ZNF274: variants seen among roughly 807,000 people sequenced by gnomAD.
The protein encoded by ZNF274 is zinc finger protein 274.
Under a neutral mutation model 42.5 loss-of-function variants are expected in ZNF274, and 23 were observed. The ratio of observed to expected loss-of-function variants is 0.54; its 90% CI spans 0.39 to 0.77. The LOEUF (loss-of-function observed/expected upper bound fraction) is 0.77. ZNF274 is among the 30% of genes least tolerant of loss of function. The pLI is 0.00. For missense variants in ZNF274, 679 were observed against 806.5 expected (o/e 0.84, Z 1.91); for synonymous variants, 292 against 305.4 (o/e 0.96, Z 0.46).
chr19:58,202,676 TG>T (rs2075927196), intron 4 of ZNF274, among the ~76,000 whole-genome samples: 1 of 152,228 alleles, frequency 6.6e-6, no homozygotes, highest in Non-Finnish European at 1.5e-5. Flanking sequence ...CTCTGCCTGG[TG>T]GTGAACTTAA....
In ZNF274 at chr19:58,207,940, A is replaced by C. The variant is rs1319841233; in HGVS notation, c.739+738A>C. Among the ~76,000 whole-genome samples the C allele has an allele frequency of 6.6e-6, 1 of 152,186 alleles. No homozygotes were observed. Among genetic ancestry groups the C allele is most frequent in the Non-Finnish European group, 1.5e-5 (1 of 68,026 alleles). Reference sequence around the variant, plus strand: ...AGGCTGCATGTGTGGTGGATGGTGGACAGAGGATGGGGGCGAGGCTGGACA... The same window carrying C: ...AGGCTGCATGTGTGGTGGATGGTGGCCAGAGGATGGGGGCGAGGCTGGACA... On this transcript the variant is annotated intron_variant, in intron 5 of 7. Transcript: ENST00000617501. This position sits in a 1 kb window ranked among gnomAD's most constrained non-coding sequence, Gnocchi z 5.6.
At position 58,211,753 on chromosome 19, in the gene ZNF274, G is replaced by A; in HGVS notation, c.979+67G>A. 6.4e-7 allele frequency: 1 copy of A among 1,552,640 alleles called. No homozygotes were observed. The highest frequency in any genetic ancestry group is 8.7e-7 in the Non-Finnish European group (1 of 1,147,514). On this transcript the variant is annotated intron_variant, in intron 7 of 7. Transcript: ENST00000617501. This position sits in a 1 kb window ranked among gnomAD's most constrained non-coding sequence, Gnocchi z 4.8. ...GCCACAGGAGCCCCAAGTCAGGGGT[G>A]TTCACCTTCTCTAGACTCCACACTG...
intron 6 of ZNF274, 65 bp downstream of exon 6, chr19:58,210,138 G>T: frequency 1.5e-6 from 2 of 1,332,026 alleles, no homozygotes. Context: ...CACCCCTGAG[G>T]CATCCACTCT....
Position 58,213,111 on chromosome 19 carries a change from A to T in ZNF274, c.1930A>T (p.Thr644Ser). ...LIGHQRTHNRTKRKKKQPTS is the reference protein window; with the variant it reads ...LIGHQRTHNRSKRKKKQPTS Reference sequence around the variant, plus strand: ...TGGGCACCAGAGAACCCACAATAGGACAAAGCGAAAGAAGAAACAGCCTAC... The same window carrying T: ...TGGGCACCAGAGAACCCACAATAGGTCAAAGCGAAAGAAGAAACAGCCTAC... The change falls in exon 8 of 8, where the codon ACA becomes TCA. Residue 644 changes from threonine (T) to serine (S), a missense_variant. By Grantham distance (58) the Thr-to-Ser change is moderately conservative. Transcript: ENST00000617501. 6.2e-7 allele frequency: 1 copy of T among 1,611,978 alleles called. No homozygotes were observed. Among genetic ancestry groups the T allele is most frequent in the Admixed American group, 1.7e-5 (1 of 59,694 alleles).
chr19:58,188,694 G>GTATATGTATATGTATATATATATATA (rs1221412961), intron 4 of ZNF274, among the ~76,000 whole-genome samples: 39 of 74,644 alleles, frequency 5.2e-4, no homozygotes, highest in African/African-American at 1.9e-3. Flanking sequence ...ATATGTATAT[G>GTATATGTATATGTATATATATATATA]TATATATATA....
chr19:58,193,179 C>T (rs2075798352), intron 4 of ZNF274, among the ~76,000 whole-genome samples: 1 of 150,986 alleles, frequency 6.6e-6, no homozygotes, highest in South Asian at 2.1e-4. Flanking sequence ...CACAGTCTCG[C>T]TCTGTTGCCC....
chr19:58,205,565 C>T (rs1269520731), intron 4 of ZNF274, among the ~76,000 whole-genome samples: 1 of 152,168 alleles, frequency 6.6e-6, no homozygotes, highest in East Asian at 1.9e-4. Context: ...AAGCTCCTGG[C>T]GTGAAGCGAA....
At position 58,211,826 on chromosome 19, in the gene ZNF274, A is replaced by C; in HGVS notation, c.979+140A>C. 1 of 1,295,788 alleles carries C rather than the reference A, an allele frequency of 7.7e-7. No homozygotes were observed. Among genetic ancestry groups the C allele is most frequent in the East Asian group, 2.5e-5 (1 of 39,462 alleles). The allele number at this position is 1,295,788 out of a possible 1,614,324, so 80.3% of individuals were successfully genotyped here. A position where few individuals can be genotyped will look rare whatever the true frequency, so the allele number is the denominator to read the frequency against. ...GCTGCATCCAGGGCCTGTAAGTGGA[A>C]CTGTAGACCTAGAGGGGTGAGGTCA... On this transcript the variant is annotated intron_variant, in intron 7 of 7. Transcript: ENST00000617501. This position sits in a 1 kb window ranked among gnomAD's most constrained non-coding sequence, Gnocchi z 4.8.
intron 4 of ZNF274, among the ~76,000 whole-genome samples, chr19:58,188,688 GTATATGTATATA>G (rs1157485740): frequency 0.014 from 757 of 52,956 alleles, 12 homozygotes; most frequent in East Asian, 0.066. Context: ...ATATATATAT[GTATATGTATATA>G]TATATATATA....
At chr19:58,189,349 G>T (rs1042058488) in intron 4 of ZNF274, among the ~76,000 whole-genome samples, 1 of 152,132 alleles carries the variant, frequency 6.6e-6, no homozygotes, top group Non-Finnish European at 1.5e-5. Flanking sequence ...ACCTCGAACT[G>T]CTGCGCTCAA....
At position 58,208,432 on chromosome 19, in the gene ZNF274, A is replaced by G. The variant is rs900661022; in HGVS notation, c.739+1230A>G. Reference sequence around the variant, plus strand: ...GGACCCTGTGAATAAGTTGCCTCACATGACAAAGGGGACTTTGCAGAAACA... The same window carrying G: ...GGACCCTGTGAATAAGTTGCCTCACGTGACAAAGGGGACTTTGCAGAAACA... On this transcript the variant is annotated intron_variant, in intron 5 of 7. Transcript: ENST00000617501. This position sits in a 1 kb window ranked among gnomAD's most constrained non-coding sequence, Gnocchi z 4.5. The G allele has an allele frequency of 3.3e-5, 5 of 152,268 alleles. No homozygotes were observed. The highest frequency in any genetic ancestry group is 1.2e-4 in the African/African-American group (5 of 41,458). The allele number at this position is 152,268 out of a possible 1,614,324, so 9.4% of individuals were successfully genotyped here.
At chr19:58,192,338 T>G (rs947429321) in intron 4 of ZNF274, among the ~76,000 whole-genome samples, 1 of 152,210 alleles carries the variant, frequency 6.6e-6, no homozygotes, top group Non-Finnish European at 1.5e-5. Flanking sequence ...TACTTGGTAA[T>G]ACCTGCTAAC....
chr19:58,190,400 G>A (rs969471300), intron 4 of ZNF274, among the ~76,000 whole-genome samples: 4 of 152,234 alleles, frequency 2.6e-5, no homozygotes, highest in Non-Finnish European at 5.9e-5. Flanking sequence ...GAAGCTCAGA[G>A]TTTAAAGAGT....
At position 58,201,171 on chromosome 19, in the gene ZNF274, A is replaced by AT. The variant is rs35433225; in HGVS notation, c.257-5528dup. On this transcript the variant is annotated intron_variant, in intron 4 of 7. Coordinates refer to ENST00000617501, the MANE Select transcript of ZNF274 (RefSeq NM_133502.3). ...AGGCACATGCCGCTACGCCTGGCTA[A>AT]TTTTTTTTTTTTTTTTTTTTTGTGG... 8.2e-3 allele frequency among the ~76,000 whole-genome samples: 921 copies of AT among 112,702 alleles called. 6 individuals are homozygous for AT. Among genetic ancestry groups the AT allele is most frequent in the African/African-American group, 0.015 (440 of 29,900 alleles). 73.9% of individuals were successfully genotyped at this position (112,702 alleles called of 152,430 possible). A position where few individuals can be genotyped will look rare whatever the true frequency, so the allele number is the denominator to read the frequency against.
At chr19:58,193,474 G>GAGTCTCGCTCTGTC (rs2075803165) in intron 4 of ZNF274, among the ~76,000 whole-genome samples, 1 of 107,992 alleles carries the variant, frequency 9.3e-6, no homozygotes, top group Non-Finnish European at 1.8e-5. Flanking sequence ...TTTTTTTGGA[G>GAGTCTCGCTCTGTC]AGTCTCGCTC....
At chr19:58,189,689 G>T (rs769644880) in intron 4 of ZNF274, among the ~76,000 whole-genome samples, 8 of 152,110 alleles carry the variant, frequency 5.3e-5, no homozygotes, top group Non-Finnish European at 1.0e-4. Context: ...CAGCTTGTCA[G>T]TGTTCATTGA....
In ZNF274 at chr19:58,212,427, C is replaced by G. The variant is rs778184804; in HGVS notation, c.1246C>G (p.Gln416Glu). Residue 416 changes from glutamine (Q) to glutamate (E), a missense_variant, in exon 8 of 8, where the codon CAA (glutamine) becomes GAA (glutamate). By Grantham distance (29) the Gln-to-Glu change is conservative. Transcript: ENST00000617501. This position sits in a 1 kb window ranked among gnomAD's most constrained non-coding sequence, Gnocchi z 4.6. ...QANSGALDTN[Q>E]VSLQKIDNPE... ...AAACAGTGGTGCTCTTGACACAAAC[C>G]AAGTTTCGCTCCAGAAAATTGACAA... 6.2e-7 allele frequency: 1 copy of G among 1,612,892 alleles called. No individual in the cohort carries two copies. The highest frequency in any genetic ancestry group is 1.7e-5 in the Admixed American group (1 of 59,976).
chr19:58,205,914 A>G (rs1014217072), intron 4 of ZNF274, among the ~76,000 whole-genome samples: 6 of 152,172 alleles, frequency 3.9e-5, no homozygotes, highest in East Asian at 3.8e-4. Flanking sequence ...TTCTTTCCCT[A>G]TAACAGCTCT....
rs2076058586 is a variant in ZNF274 at position 58,212,806 on chromosome 19, A to G, written c.1625A>G (p.Lys542Arg). 6.2e-7 allele frequency: 1 copy of G among 1,614,016 alleles called. No homozygotes were observed. The highest frequency in any genetic ancestry group is 8.5e-7 in the Non-Finnish European group (1 of 1,179,894). The change falls in exon 8 of 8, where the codon AAA (lysine) becomes AGA (arginine). Residue 542 changes from lysine to arginine, a missense_variant. This residue lies in a region of ZNF274 where 456 missense variants were observed against 590.1 expected (regional missense o/e 0.77). Transcript: ENST00000617501. The surrounding 1 kb of genome is among the most constrained non-coding windows in gnomAD (Gnocchi z 4.6). ...ERPYVCQDCGKGFVQSSSLTQ... is the reference protein window; with the variant it reads ...ERPYVCQDCGRGFVQSSSLTQ... Reference sequence around the variant, plus strand: ...CCCTATGTGTGTCAAGACTGTGGGAAAGGATTTGTTCAGAGCTCTTCCCTC... The same window carrying G: ...CCCTATGTGTGTCAAGACTGTGGGAGAGGATTTGTTCAGAGCTCTTCCCTC...
Sources: allele counts gnomAD v4.1 joint callset (sites outside exome capture counted in the v4.1 genomes callset), GRCh38; gene constraint gnomAD v4.1.1; regional missense constraint gnomAD v4.1.1; non-coding constraint Gnocchi (gnomAD v3.1); transcripts MANE v1.5; gene names NCBI Gene and HGNC (gene_info 2026-07-23, HGNC 2026-07-21).